Variants in VPS13A observed in about 807,000 individuals in gnomAD.
VPS13A encodes intermembrane lipid transfer protein VPS13A.
In VPS13A, 264 loss-of-function variants were observed where a neutral mutation model predicts 390.9. The ratio of observed to expected loss-of-function variants is 0.68; its 90% CI spans 0.61 to 0.75. The LOEUF is 0.75. Among genes scored for constraint, VPS13A ranks in the 30% least tolerant of loss-of-function variants. VPS13A has a pLI of 0.00. For synonymous variants in VPS13A, 1,231 were observed against 1,227.1 expected, an observed-to-expected ratio of 1.00 and a Z score of -0.07; for missense variants, 3,409 against 3,733.9, an observed-to-expected ratio of 0.91 and a Z score of 2.27.
chr9:77,189,132 C>CTTT (rs542812911), intron 1 of VPS13A, among the ~76,000 whole-genome samples: 23 of 112,168 alleles, frequency 2.1e-4, no homozygotes, highest in African/African-American at 6.2e-4. Context: ...TCCCACTTGC[C>CTTT]TTTTTTTTTT....
chr9:77,298,527 CA>C (rs1380690042), intron 33 of VPS13A, among the ~76,000 whole-genome samples: 2 of 151,956 alleles, frequency 1.3e-5, no homozygotes, highest in Non-Finnish European at 2.9e-5. Flanking sequence ...AATAGTGTAT[CA>C]TTTTTTTTTC....
At chr9:77,299,467 C>A (rs985317233) in intron 33 of VPS13A, among the ~76,000 whole-genome samples, 2 of 152,162 alleles carry the variant, frequency 1.3e-5, no homozygotes, top group African/African-American at 2.4e-5. Context: ...CACTTTTACA[C>A]TGTTGGTGTG....
chr9:77,320,107 G>T (rs72744296), intron 42 of VPS13A, among the ~76,000 whole-genome samples: 14,441 of 152,132 alleles, frequency 0.095, 783 homozygotes, highest in East Asian at 0.15. Flanking sequence ...ACACAGTTTA[G>T]ACATTGTTCT....
intron 39 of VPS13A, among the ~76,000 whole-genome samples, 183 bp from the exon 40 acceptor site, chr9:77,317,423 A>G (rs1829464298): frequency 6.6e-6 from 1 of 152,058 alleles, no homozygotes; most frequent in African/African-American, 2.4e-5. Context: ...GAAGAATAGA[A>G]CAGATATTAG....
At position 77,300,842 on chromosome 9, in the gene VPS13A, C is replaced by G. The variant is rs146189407; in HGVS notation, c.3813-2073C>G. On this transcript the variant is annotated intron_variant, in intron 33 of 71. Coordinates refer to ENST00000360280, the MANE Select transcript of VPS13A (RefSeq NM_033305.3). ...CTAGGTTCTTTATACATTAATCCAACTTGACTGCAATTTAGCAAATATTTA... is the reference window on the plus strand; with the variant it reads ...CTAGGTTCTTTATACATTAATCCAAGTTGACTGCAATTTAGCAAATATTTA... Among the ~76,000 whole-genome samples, 452 of 152,360 alleles carry G rather than the reference C, an allele frequency of 3.0e-3. 2 individuals are homozygous for G. The highest frequency in any genetic ancestry group is 4.6e-3 in the Admixed American group (71 of 15,306).
intron 31 of VPS13A, among the ~76,000 whole-genome samples, chr9:77,288,205 C>G (rs569039904): frequency 4.6e-5 from 7 of 152,206 alleles, no homozygotes; most frequent in Non-Finnish European, 1.0e-4. Context: ...CTTGATCAGC[C>G]TGGTTAACGA....
intron 71 of VPS13A, among the ~76,000 whole-genome samples, chr9:77,409,337 C>CAAAG: frequency 6.6e-6 from 1 of 151,998 alleles, no homozygotes; most frequent in East Asian, 1.9e-4. Context: ...GATAAAACCA[C>CAAAG]AAAGATGGGG....
At chr9:77,259,246 T>G (rs946989938) in intron 22 of VPS13A, among the ~76,000 whole-genome samples, 2 of 152,132 alleles carry the variant, frequency 1.3e-5, no homozygotes, top group African/African-American at 4.8e-5. Context: ...TAGATACTGT[T>G]TTGGTACCCA....
intron 17 of VPS13A, among the ~76,000 whole-genome samples, chr9:77,232,285 T>C (rs1823874487): frequency 6.6e-6 from 1 of 152,198 alleles, no homozygotes; most frequent in Non-Finnish European, 1.5e-5. Flanking sequence ...GATTCACTTT[T>C]CCATTTCTGG....
intron 8 of VPS13A, 86 bp from the exon 9 acceptor site, chr9:77,213,148 T>C: frequency 6.5e-7 from 1 of 1,526,876 alleles, no homozygotes; most frequent in South Asian, 1.1e-5. Flanking sequence ...GTGATATGGC[T>C]CACTTAATTA....
chr9:77,279,241 G>A (rs940717355), intron 26 of VPS13A, among the ~76,000 whole-genome samples: 12 of 152,138 alleles, frequency 7.9e-5, no homozygotes, highest in African/African-American at 2.9e-4. Context: ...TCAGCAAGAC[G>A]GATGGAGAGC....
rs546395028 is a variant in VPS13A at position 77,399,167 on chromosome 9, TAAAAAAAAAAAAATAAAAAA to T, written c.9190-4055_9190-4036del. Among the ~76,000 whole-genome samples, 795 of 86,134 alleles carry T rather than the reference TAAAAAAAAAAAAATAAAAAA, an allele frequency of 9.2e-3. 12 individuals are homozygous for T. Among genetic ancestry groups the T allele is most frequent in the African/African-American group, 0.028 (671 of 24,182 alleles). The allele number at this position is 86,134 out of a possible 152,430, so 56.5% of individuals were successfully genotyped here. ...ATGTACCCTAAAACTTAGAGTATAATAAAAAAAAAAAAATAAAAAAAAAAAAAAAAAAAAAAAACAAAGGA... is the reference window on the plus strand; with the variant it reads ...ATGTACCCTAAAACTTAGAGTATAATAAAAAAAAAAAAAAAAAACAAAGGA... On this transcript the variant is annotated intron_variant, in intron 68 of 71. Coordinates refer to ENST00000360280, the MANE Select transcript of VPS13A (RefSeq NM_033305.3).
chr9:77,181,545 A>G (rs1232004785), intron 1 of VPS13A, among the ~76,000 whole-genome samples: 1 of 148,830 alleles, frequency 6.7e-6, no homozygotes, highest in African/African-American at 2.5e-5. Flanking sequence ...AAGAAACTGG[A>G]TGCTGCATAG....
At chr9:77,232,090 C>G (rs955487195) in intron 17 of VPS13A, among the ~76,000 whole-genome samples, 1 of 152,108 alleles carries the variant, frequency 6.6e-6, no homozygotes, top group Admixed American at 6.6e-5. Flanking sequence ...TTTGGACTCT[C>G]AATTCTATCT....
chr9:77,315,718 T>G (rs1829342936), intron 38 of VPS13A, among the ~76,000 whole-genome samples: 1 of 152,122 alleles, frequency 6.6e-6, no homozygotes, highest in South Asian at 2.1e-4. Context: ...GTACTTCTCT[T>G]CAGGCAGTAA....
At chr9:77,231,138 C>G (rs1443034253) in intron 17 of VPS13A, among the ~76,000 whole-genome samples, 1 of 151,920 alleles carries the variant, frequency 6.6e-6, no homozygotes, top group African/African-American at 2.4e-5. Context: ...TTAGTTGATT[C>G]CTTAGGATTT....
chr9:77,219,783 G>T (rs920309550), intron 10 of VPS13A, among the ~76,000 whole-genome samples, 171 bp from the exon 11 acceptor site: 6 of 151,976 alleles, frequency 3.9e-5, no homozygotes, highest in African/African-American at 9.7e-5. Flanking sequence ...AAAAGATAAA[G>T]AATCTTCTCC....
rs117022160 is a variant in VPS13A, at chr9:77,259,563, C to G, written c.2289-523C>G. Among the ~76,000 whole-genome samples the G allele has an allele frequency of 8.4e-3, 1,284 of 152,252 alleles. 10 individuals carry two copies. The highest frequency in any genetic ancestry group is 0.014 in the South Asian group (67 of 4,824). On this transcript the variant is annotated intron_variant, in intron 22 of 71. Transcript: ENST00000360280. The stretch of plus-strand genomic sequence containing the variant: ...CTCTCTCTCTGATAGTGAAAACTAA[C>G]TTTCTGTCTCTCTCAAAGGAGACTG...
intron 22 of VPS13A, among the ~76,000 whole-genome samples, chr9:77,256,264 A>G (rs1587431504): frequency 1.3e-5 from 2 of 151,938 alleles, no homozygotes; most frequent in Non-Finnish European, 2.9e-5. Flanking sequence ...TTGTTTAACC[A>G]TCTGTTTTTA....
Sources: gnomAD v4.1 joint callset for allele counts (sites outside exome capture counted in the v4.1 genomes callset) on GRCh38, gnomAD v4.1.1 for gene constraint, MANE v1.5 for transcripts, NCBI Gene and HGNC (gene_info 2026-07-23, HGNC 2026-07-21) for gene names.